Variants in HABP4 observed in about 807,000 individuals in gnomAD.
HABP4 encodes intracellular hyaluronan-binding protein 4.
A neutral mutation model predicts 44.1 loss-of-function variants in HABP4; 32 were observed. The observed-to-expected ratio is 0.73, with a 90% CI of 0.55 to 0.97. The LOEUF is 0.97. HABP4 is among the 50% of genes least tolerant of loss of function. The pLI, the probability that HABP4 is intolerant of heterozygous loss-of-function variation, is 0.00. For synonymous variants in HABP4, 216 were observed against 218.0 expected (o/e 0.99, Z 0.08); for missense variants, 503 against 561.9 (o/e 0.90, Z 1.06).
At position 96,450,672 on chromosome 9, in the gene HABP4, T is replaced by G. The variant is rs1832256737; in HGVS notation, c.349+44T>G. The G allele has an allele frequency of 1.3e-5, 16 of 1,232,082 alleles. No homozygotes were observed. Among genetic ancestry groups the G allele is most frequent in the Non-Finnish European group, 1.6e-5 (16 of 984,944 alleles). 76.3% of individuals were successfully genotyped at this position (1,232,082 alleles called of 1,614,324 possible). ...GTTAGCGGACCACGGCTCGGCCCGC[T>G]GTGAGACTGGGGTCCCGGGGGCCGG... On this transcript the variant is annotated intron_variant, in intron 1 of 7. Transcript: ENST00000375249. The surrounding 1 kb of genome is among the most constrained non-coding windows in gnomAD (Gnocchi z 4.8).
At chr9:96,457,727 G>A (rs1010986424) in intron 1 of HABP4, among the ~76,000 whole-genome samples, 8 of 152,046 alleles carry the variant, frequency 5.3e-5, no homozygotes, top group African/African-American at 1.9e-4. Context: ...AATTAGCTGG[G>A]CATGGTGGCA....
chr9:96,467,388 C>T (rs1026957292), intron 4 of HABP4, among the ~76,000 whole-genome samples: 1 of 152,008 alleles, frequency 6.6e-6, no homozygotes, highest in African/African-American at 2.4e-5. Flanking sequence ...ATCTGGGGTT[C>T]CATAGGATCT....
intron 1 of HABP4, among the ~76,000 whole-genome samples, chr9:96,456,517 T>G (rs1832378543): frequency 6.6e-6 from 1 of 151,834 alleles, no homozygotes; most frequent in South Asian, 2.1e-4. Context: ...TCCCAGCACT[T>G]TGGGAGGCCG....
chr9:96,470,291 C>T (rs1014609995), intron 4 of HABP4, among the ~76,000 whole-genome samples: 3 of 151,996 alleles, frequency 2.0e-5, no homozygotes, highest in African/African-American at 4.8e-5. Flanking sequence ...CCACCATGCC[C>T]AGCTAATTTT....
Position 96,471,032 on chromosome 9 carries a change from G to A in HABP4, c.765G>A (p.Pro255=), listed in dbSNP as rs370236427. 18 of 1,605,876 alleles carry A rather than the reference G, an allele frequency of 1.1e-5. No homozygotes were observed. Among genetic ancestry groups the A allele is most frequent in the East Asian group, 6.7e-5 (3 of 44,856 alleles). Reference sequence around the variant, plus strand: ...TCAGTGATGTGGAGCCAACTGCACCGATGGAGGAACCCACAGTGGTGGAGG... The same window carrying A: ...TCAGTGATGTGGAGCCAACTGCACCAATGGAGGAACCCACAGTGGTGGAGG... ...KDTSDVEPTA[P]MEEPTVVEES... Residue 255 remains proline, a synonymous_variant, in exon 5 of 8, where the codon CCG becomes CCA. Coordinates refer to ENST00000375249, the MANE Select transcript of HABP4 (RefSeq NM_014282.4).
chr9:96,452,662 A>T (rs887800355), intron 1 of HABP4, among the ~76,000 whole-genome samples: 5 of 152,152 alleles, frequency 3.3e-5, no homozygotes, highest in Admixed American at 2.0e-4. Context: ...CAAACAGCTC[A>T]TTAATTTCCA....
intron 6 of HABP4, 94 bp from the exon 7 acceptor site, chr9:96,487,995 T>G (rs1833004652): frequency 1.2e-6 from 1 of 856,104 alleles, no homozygotes; most frequent in African/African-American, 1.7e-5. Flanking sequence ...TGATGGTGTT[T>G]TAGCTCCTGT....
chr9:96,458,552 C>G lies in HABP4; in HGVS notation c.512+11C>G. ...GTTTCCAGATGAAAAGTATGTGCTGCAGTCCTCAGCAGGGCGGGTGGGGAA... is the reference window on the plus strand; with the variant it reads ...GTTTCCAGATGAAAAGTATGTGCTGGAGTCCTCAGCAGGGCGGGTGGGGAA... On this transcript the variant is annotated intron_variant, in intron 2 of 7. Coordinates refer to ENST00000375249, the MANE Select transcript of HABP4 (RefSeq NM_014282.4). The G allele has an allele frequency of 6.3e-7, 1 of 1,582,838 alleles. No homozygotes were observed. The highest frequency in any genetic ancestry group is 8.7e-7 in the Non-Finnish European group (1 of 1,152,522).
At chr9:96,460,943 CAT>C (rs1485809294) in intron 2 of HABP4, among the ~76,000 whole-genome samples, 5 of 152,070 alleles carry the variant, frequency 3.3e-5, no homozygotes, top group African/African-American at 9.7e-5. Context: ...ATAAATAAAA[CAT>C]ATAAAGTTTT....
chr9:96,478,394 G>A (rs1832819611), intron 5 of HABP4, among the ~76,000 whole-genome samples: 1 of 152,106 alleles, frequency 6.6e-6, no homozygotes, highest in Non-Finnish European at 1.5e-5. Context: ...GCCTCCCAAA[G>A]TGCTGGGATT....
chr9:96,483,590 C>T (rs1385825405), intron 5 of HABP4: 1 of 152,082 alleles, frequency 6.6e-6, no homozygotes, highest in African/African-American at 2.4e-5. Flanking sequence ...GATACAAGTC[C>T]CTTGTGAGAT....
chr9:96,469,960 A>G (rs1832665391), intron 4 of HABP4, among the ~76,000 whole-genome samples: 1 of 151,976 alleles, frequency 6.6e-6, no homozygotes. Context: ...AAATAGGTCA[A>G]CATAGGAGGA....
chr9:96,450,303 C>G lies in HABP4; in HGVS notation c.24C>G (p.Pro8=), dbSNP rs761894948. The change falls in exon 1 of 8, where the codon CCC becomes CCG. Residue 8 remains proline (P), a synonymous_variant. Coordinates refer to ENST00000375249, the MANE Select transcript of HABP4 (RefSeq NM_014282.4). This position sits in a 1 kb window ranked among gnomAD's most constrained non-coding sequence, Gnocchi z 4.8. The part of the protein sequence containing the change: MKGALGS[P]VAAAGAAMQE... ...GCATGAAGGGCGCTCTGGGGAGTCCCGTGGCTGCCGCTGGCGCCGCGATGC... is the reference window on the plus strand; with the variant it reads ...GCATGAAGGGCGCTCTGGGGAGTCCGGTGGCTGCCGCTGGCGCCGCGATGC... 2.1e-6 allele frequency: 3 copies of G among 1,401,766 alleles called. No individual in the cohort carries two copies. Among genetic ancestry groups the G allele is most frequent in the South Asian group, 2.6e-5 (2 of 77,990 alleles). The allele number at this position is 1,401,766 out of a possible 1,614,324, so 86.8% of individuals were successfully genotyped here. A position where few individuals can be genotyped will look rare whatever the true frequency, so the allele number is the denominator to read the frequency against.
intron 1 of HABP4, among the ~76,000 whole-genome samples, chr9:96,454,457 T>TG (rs950334714): frequency 6.0e-5 from 9 of 149,628 alleles, no homozygotes; most frequent in Admixed American, 6.0e-4. Flanking sequence ...TCTTTTTTTT[T>TG]TTTTTTTTTT....
chr9:96,456,397 A>C (rs1019920233), intron 1 of HABP4, among the ~76,000 whole-genome samples: 1 of 152,170 alleles, frequency 6.6e-6, no homozygotes, highest in Non-Finnish European at 1.5e-5. Context: ...GAAAATAGAA[A>C]AGTGTGTATC....
intron 1 of HABP4, among the ~76,000 whole-genome samples, chr9:96,457,530 A>G (rs966984199): frequency 2.6e-5 from 4 of 152,268 alleles, no homozygotes; most frequent in Non-Finnish European, 4.4e-5. Context: ...AATAGCAGGA[A>G]AATCTGTTTT....
Position 96,488,043 on chromosome 9 carries a change from G to A in HABP4, c.1000-46G>A. On this transcript the variant is annotated intron_variant, in intron 6 of 7. Coordinates refer to ENST00000375249, the MANE Select transcript of HABP4 (RefSeq NM_014282.4). The surrounding 1 kb of genome is among the most constrained non-coding windows in gnomAD (Gnocchi z 4.6). ...AGCCACTAAGCCAGATGAGTGTGGG[G>A]ATGGCTGTGGACTTGTGCGTGTTTG... The A allele has an allele frequency of 1.5e-6, 2 of 1,340,222 alleles. No homozygotes were observed. Among genetic ancestry groups the A allele is most frequent in the South Asian group, 2.5e-5 (2 of 81,448 alleles). The allele number at this position is 1,340,222 out of a possible 1,614,324, so 83.0% of individuals were successfully genotyped here. A position where few individuals can be genotyped will look rare whatever the true frequency, so the allele number is the denominator to read the frequency against.
At position 96,487,255 on chromosome 9, in the gene HABP4, C is replaced by T. The variant is rs147006188; in HGVS notation, c.1000-834C>T. On this transcript the variant is annotated intron_variant, in intron 6 of 7. Coordinates refer to ENST00000375249, the MANE Select transcript of HABP4 (RefSeq NM_014282.4). ...AATGTTGTAGCACTTTGGAGATTCT[C>T]ATCTGAAATCACTGACATATCTTCC... 3.4e-4 allele frequency among the ~76,000 whole-genome samples: 50 copies of T among 147,788 alleles called. No individual in the cohort carries two copies. The East Asian group carries it at 9.2e-3, about 27-fold the overall frequency.
chr9:96,451,952 G>C (rs1322083763), intron 1 of HABP4, among the ~76,000 whole-genome samples: 1 of 152,162 alleles, frequency 6.6e-6, no homozygotes, highest in African/African-American at 2.4e-5. Context: ...AAAATGCCGG[G>C]TGTGGTGGCT....
Sources: allele counts gnomAD v4.1 joint callset (sites outside exome capture counted in the v4.1 genomes callset), GRCh38; gene constraint gnomAD v4.1.1; non-coding constraint Gnocchi (gnomAD v3.1); transcripts MANE v1.5; gene names NCBI Gene and HGNC (gene_info 2026-07-23, HGNC 2026-07-21).